DMD: variants seen among roughly 807,000 people sequenced by gnomAD.
DMD encodes mutant dystrophin.
DMD carries 63 observed loss-of-function variants against 330.1 expected under a neutral mutation model. That is an observed-to-expected ratio of 0.19 (90% confidence interval 0.16 to 0.24). The LOEUF (loss-of-function observed/expected upper bound fraction) is 0.24. Ranked by LOEUF, DMD falls within the 10% of genes least tolerant of loss-of-function variation. The probability of loss-of-function intolerance (pLI) is 1.00; values close to 1 mark genes in which losing one functional copy is unlikely to be tolerated. For missense variants in DMD, 3,344 were observed against 2,684.1 expected (o/e 1.25, Z -5.43); for synonymous variants, 1,223 against 959.8 (o/e 1.27, Z -5.07).
Position 32,784,618 on chromosome X carries a change from G to A in DMD, c.649+24875C>T, listed in dbSNP as rs186601305. Among the ~76,000 whole-genome samples, 303 of 111,555 alleles carry A rather than the reference G, an allele frequency of 2.7e-3. 1 individual carries two copies. The highest frequency in any genetic ancestry group is 4.6e-3 in the Middle Eastern group (1 of 217). ...GAACTATAGAAAAAGTTAGGTTCCC[G>A]CTCCAAAATCATCTTATCGATTTAT... On this transcript the variant is annotated intron_variant, in intron 7 of 78. Transcript: ENST00000357033.
chrX:31,230,980 T>C (rs1437123011), intron 63 of DMD, among the ~76,000 whole-genome samples: 1 of 111,545 alleles, frequency 9.0e-6, no homozygotes, highest in African/African-American at 3.3e-5. Flanking sequence ...ATGGCCGATA[T>C]AAAGTTTTCT....
At chrX:32,518,868 C>A (rs962240173) in intron 17 of DMD, among the ~76,000 whole-genome samples, 1 of 110,002 alleles carries the variant, frequency 9.1e-6, no homozygotes, top group South Asian at 3.9e-4. Context: ...AAAGAAATAC[C>A]CAAAGGGCAC....
chrX:31,410,921 GTTTTTTTT>G (rs758238229), intron 60 of DMD, among the ~76,000 whole-genome samples: 1 of 59,802 alleles, frequency 1.7e-5, no homozygotes, highest in African/African-American at 7.5e-5. Context: ...CTGTGTGTGT[GTTTTTTTT>G]TTTTTTTTTT....
intron 17 of DMD, among the ~76,000 whole-genome samples, chrX:32,533,030 G>C (rs184876444): frequency 9.0e-6 from 1 of 111,457 alleles, no homozygotes; most frequent in Admixed American, 9.5e-5. Context: ...CAGCAGAGTT[G>C]AGTAGTTTTA....
chrX:32,881,126 C>T (rs1206028653), intron 2 of DMD, among the ~76,000 whole-genome samples: 5 of 112,351 alleles, frequency 4.5e-5, no homozygotes, highest in Non-Finnish European at 7.5e-5. Flanking sequence ...CAGCTAGGAA[C>T]TGTAGATGCC....
intron 9 of DMD, among the ~76,000 whole-genome samples, chrX:32,666,401 CCT>C (rs1278711694): frequency 9.1e-6 from 1 of 110,476 alleles, no homozygotes; most frequent in Non-Finnish European, 1.9e-5. Context: ...TGTTCCCCTC[CCT>C]GTGTCCATGT....
At chrX:31,219,759 C>T (rs2045786094) in intron 64 of DMD, among the ~76,000 whole-genome samples, 1 of 108,806 alleles carries the variant, frequency 9.2e-6, no homozygotes, top group Admixed American at 9.9e-5. Context: ...TATGTTTGGC[C>T]TGCATTTGAT....
Position 31,508,310 on chromosome X carries a change from G to A in DMD, c.8218-857C>T. On this transcript the variant is annotated intron_variant, in intron 55 of 78. Transcript: ENST00000357033. The stretch of plus-strand genomic sequence containing the variant: ...TCCTGAGAAAACCCAGAAACTGAAA[G>A]AGCCCTGCTTTAAAATGCCAACTTT... 2.6e-6 allele frequency: 3 copies of A among 1,149,200 alleles called. No individual in the cohort carries two copies. The South Asian group carries it at 6.0e-5, about 23-fold the overall frequency. The allele number at this position is 1,149,200 out of a possible 1,213,427, so 94.7% of individuals were successfully genotyped here.
Position 32,415,540 on chromosome X carries a change from C to T in DMD, c.4072-3627G>A, listed in dbSNP as rs995766490. Among the ~76,000 whole-genome samples, 7 of 112,295 alleles carry T rather than the reference C, an allele frequency of 6.2e-5. No homozygotes were observed. In the South Asian group the frequency reaches 2.6e-3, roughly 41 times the overall value. On this transcript the variant is annotated intron_variant, in intron 29 of 78. Transcript: ENST00000357033. ...CTTATGAATTTTCTGACTTTCTGCC[C>T]GCTTGACCTGTGCTGTCTCATTGAA...
intron 44 of DMD, among the ~76,000 whole-genome samples, chrX:32,144,760 C>T (rs2096770651): frequency 8.9e-6 from 1 of 111,882 alleles, no homozygotes; most frequent in African/African-American, 3.2e-5. Context: ...GGGCTGGGCG[C>T]GGTGGCTCAC....
intron 54 of DMD, among the ~76,000 whole-genome samples, chrX:31,628,929 TATATATATATATAA>T (rs1213258343): frequency 9.6e-6 from 1 of 103,930 alleles, no homozygotes; most frequent in Non-Finnish European, 2.0e-5. Context: ...TATATATATA[TATATATATATATAA>T]AATGCATGTA....
intron 9 of DMD, among the ~76,000 whole-genome samples, chrX:32,650,463 G>A (rs761334673): frequency 1.8e-5 from 2 of 111,325 alleles, no homozygotes; most frequent in Non-Finnish European, 3.8e-5. Context: ...CAAGATAAAG[G>A]ATTACAGAGG....
chrX:31,626,795 A>C lies in DMD; in HGVS notation c.8217+878T>G, dbSNP rs187827086. ...CATAATAGTTTAAAAATATCATAAT[A>C]GTTTCATAATAGTTTTTCATAATAG... On this transcript the variant is annotated intron_variant, in intron 55 of 78. Coordinates refer to ENST00000357033, the MANE Select transcript of DMD (RefSeq NM_004006.3). 1.6e-3 allele frequency among the ~76,000 whole-genome samples: 177 copies of C among 112,471 alleles called. No individual in the cohort carries two copies. In the Middle Eastern group the frequency reaches 0.018, roughly 12 times the overall value.
At chrX:32,183,986 C>T (rs1310934457) in intron 44 of DMD, among the ~76,000 whole-genome samples, 4 of 110,420 alleles carry the variant, frequency 3.6e-5, no homozygotes, top group African/African-American at 1.3e-4. Flanking sequence ...ATGAGTCAAC[C>T]CTTGCAGATT....
intron 74 of DMD, among the ~76,000 whole-genome samples, chrX:31,152,184 C>CTTTTTTTTTTTTTTT (rs1161340463): frequency 1.0e-5 from 1 of 98,378 alleles, no homozygotes; most frequent in African/African-American, 3.9e-5. Context: ...CTTTAAGCAT[C>CTTTTTTTTTTTTTTT]TTTTTTTTTT....
chrX:31,413,201 G>A (rs978365995), intron 60 of DMD, among the ~76,000 whole-genome samples: 1 of 111,702 alleles, frequency 9.0e-6, no homozygotes, highest in African/African-American at 3.2e-5. Flanking sequence ...ATCTAATACT[G>A]TATTGCCTCG....
chrX:32,127,314 T>A (rs1173155505), intron 44 of DMD, among the ~76,000 whole-genome samples: 1 of 111,786 alleles, frequency 8.9e-6, no homozygotes, highest in African/African-American at 3.3e-5. Flanking sequence ...ATTGTGAACA[T>A]GTAGCTCTTG....
chrX:32,809,331 A>C (rs774354689), intron 7 of DMD, among the ~76,000 whole-genome samples, 162 bp downstream of exon 7: 27 of 111,887 alleles, frequency 2.4e-4, no homozygotes, highest in African/African-American at 8.7e-4. Flanking sequence ...AAATAAGACA[A>C]TTCATAATAT....
intron 44 of DMD, among the ~76,000 whole-genome samples, chrX:32,052,565 T>C (rs1480567149): frequency 1.8e-5 from 2 of 111,412 alleles, no homozygotes; most frequent in Non-Finnish European, 3.8e-5. Context: ...GAATATCCTT[T>C]ATGGTACTAT....
Sources: gnomAD v4.1 joint callset for allele counts (sites outside exome capture counted in the v4.1 genomes callset) on GRCh38, gnomAD v4.1.1 for gene constraint, MANE v1.5 for transcripts, NCBI Gene and HGNC (gene_info 2026-07-23, HGNC 2026-07-21) for gene names.